LRRC34: variants seen among roughly 807,000 people sequenced by gnomAD.
LRRC34 encodes the protein leucine rich repeat containing 34.
LRRC34 carries 44 observed loss-of-function variants against 48.5 expected under a neutral mutation model. That is an observed-to-expected ratio of 0.91 (90% CI 0.71 to 1.17). LRRC34 has a LOEUF of 1.17. Ranked by LOEUF, LRRC34 falls within the 50% of genes most tolerant of loss-of-function variation. The probability of loss-of-function intolerance (pLI) is 0.00; values close to 1 mark genes in which losing one functional copy is unlikely to be tolerated. For missense variants in LRRC34, 502 were observed against 563.0 expected, an observed-to-expected ratio of 0.89 and a Z score of 1.10; for synonymous variants, 192 against 197.6, an observed-to-expected ratio of 0.97 and a Z score of 0.24.
Position 169,795,509 on chromosome 3 carries a change from G to A in LRRC34, c.1167C>T (p.Asn389=). 1 of 1,611,900 alleles carries A rather than the reference G, an allele frequency of 6.2e-7. No individual in the cohort carries two copies. The highest frequency in any genetic ancestry group is 8.5e-7 in the Non-Finnish European group (1 of 1,178,618). Residue 389 remains asparagine, a synonymous_variant, in exon 10 of 11, where the codon AAC becomes AAT. Transcript: ENST00000446859. ...CTATACACGTAGCCTCATCAAATTT[G>A]TTTCCCCAAATGTAGATATGAGAGA... ...LTFSHIYIWG[N]KFDEATCIAY... is the part of the protein sequence containing the mutation.
At chr3:169,804,225 A>C (rs1779295278) in intron 5 of LRRC34, 44 bp from the exon 6 acceptor site, 1 of 1,470,496 alleles carries the variant, frequency 6.8e-7, no homozygotes, top group Non-Finnish European at 9.2e-7. Context: ...TAATCCACAG[A>C]ATTCTATATA....
chr3:169,796,133 T>G, intron 9 of LRRC34, 81 bp downstream of exon 9: 9 of 1,456,260 alleles, frequency 6.2e-6, no homozygotes, highest in Non-Finnish European at 8.1e-6. Context: ...TTCATTATAA[T>G]CTTAAGAGTT....
intron 6 of LRRC34, among the ~76,000 whole-genome samples, chr3:169,802,525 C>T (rs1453968712): frequency 6.6e-6 from 1 of 152,086 alleles, no homozygotes; most frequent in Non-Finnish European, 1.5e-5. Flanking sequence ...TTGGTGTTTC[C>T]CCAACTAAAA....
intron 6 of LRRC34, among the ~76,000 whole-genome samples, chr3:169,800,967 G>A (rs1031557538): frequency 6.6e-6 from 1 of 152,094 alleles, no homozygotes; most frequent in African/African-American, 2.4e-5. Context: ...ACATGGCATG[G>A]GGAGTTTCTT....
Position 169,793,674 on chromosome 3 carries a change from A to AAT in LRRC34, c.1355_1356insAT (p.Asn452LysfsTer10). 6.2e-7 allele frequency: 1 copy of AAT among 1,613,800 alleles called. No homozygotes were observed. The highest frequency in any genetic ancestry group is 8.5e-7 in the Non-Finnish European group (1 of 1,179,850). On this transcript the variant is annotated frameshift_variant, in exon 11 of 11. Coordinates refer to ENST00000446859, the MANE Select transcript of LRRC34 (RefSeq NM_001172779.2). LOFTEE classifies it high-confidence loss of function. ...CTACTGGAACAAGAGCAAAACCTGC[A>AAT]TTAGATGAGTGGTCATAAGATTCTC... is the stretch of plus-strand genomic sequence containing the variant.
chr3:169,796,335 C>T lies in LRRC34; in HGVS notation c.943G>A (p.Ala315Thr). The T allele has an allele frequency of 1.2e-6, 2 of 1,607,802 alleles. No homozygotes were observed. Among genetic ancestry groups the T allele is most frequent in the Non-Finnish European group, 8.5e-7 (1 of 1,178,390 alleles). Residue 315 changes from alanine to threonine, a missense_variant, in exon 9 of 11, where the codon GCT (alanine) becomes ACT (threonine). Ala to Thr is a moderately conservative substitution (Grantham distance 58). Coordinates refer to ENST00000446859, the MANE Select transcript of LRRC34 (RefSeq NM_001172779.2). ...KITHDGMVYL[A>T]DVLKSNTTLE... ...GTAGTGTTGCTTTTCAGTACATCAG[C>T]CAAATACACCATTCCATCATGAGTT...
chr3:169,807,606 T>C lies in LRRC34; in HGVS notation c.361A>G (p.Asn121Asp), dbSNP rs768315371. ...DFWILSKILK[N>D]CLYINGLDVG... Reference sequence around the variant, plus strand: ...AACATACCATTAATATACAGACAATTCTTTAAAATTTTGGAAAGAATCCAA... The same window carrying C: ...AACATACCATTAATATACAGACAATCCTTTAAAATTTTGGAAAGAATCCAA... The change falls in exon 3 of 11, where the codon AAT (asparagine) becomes GAT (aspartate). Residue 121 changes from asparagine (N) to aspartate (D), a missense_variant. Coordinates refer to ENST00000446859, the MANE Select transcript of LRRC34 (RefSeq NM_001172779.2). The C allele has an allele frequency of 1.2e-6, 2 of 1,611,494 alleles. No homozygotes were observed. The highest frequency in any genetic ancestry group is 1.7e-6 in the Non-Finnish European group (2 of 1,179,156).
chr3:169,804,035 C>G lies in LRRC34; in HGVS notation c.657+18G>C, dbSNP rs757242939. On this transcript the variant is annotated intron_variant, in intron 6 of 10. Coordinates refer to ENST00000446859, the MANE Select transcript of LRRC34 (RefSeq NM_001172779.2). ...TGACCCACTATCTGGATGATTTTCT[C>G]ATAACCAGTTTACTCACCAGATCAC... 1.0e-5 allele frequency: 16 copies of G among 1,547,978 alleles called. No individual in the cohort carries two copies. Among genetic ancestry groups the G allele is most frequent in the Admixed American group, 2.0e-5 (1 of 50,764 alleles).
At chr3:169,796,657 TAAC>T (rs1778999441) in intron 8 of LRRC34, 85 bp downstream of exon 8, 2 of 1,336,742 alleles carry the variant, frequency 1.5e-6, no homozygotes, top group Non-Finnish European at 2.0e-6. Context: ...AAATAATGTC[TAAC>T]AACGTATCCC....
chr3:169,800,755 C>T lies in LRRC34; in HGVS notation c.658-1G>A, dbSNP rs1209902282. 1 of 1,525,058 alleles carries T rather than the reference C, an allele frequency of 6.6e-7. No homozygotes were observed. Among genetic ancestry groups the T allele is most frequent in the Non-Finnish European group, 8.8e-7 (1 of 1,140,068 alleles). 94.5% of individuals were successfully genotyped at this position (1,525,058 alleles called of 1,614,324 possible). A position where few individuals can be genotyped will look rare whatever the true frequency, so the allele number is the denominator to read the frequency against. On this transcript the variant is annotated splice_acceptor_variant, in intron 6 of 10. Transcript: ENST00000446859. LOFTEE classifies it high-confidence loss of function. ...CAAATGCTATCACACTTTGCATTCC[C>T]TAAAAACAGGTAAATTCATTAAGGA...
At chr3:169,811,041 C>G (rs1026085450) in intron 1 of LRRC34, among the ~76,000 whole-genome samples, 15 of 152,198 alleles carry the variant, frequency 9.9e-5, no homozygotes, top group African/African-American at 3.6e-4. Context: ...CACTGCACTC[C>G]AGCCTGGGCG....
At chr3:169,801,565 G>A (rs546055558) in intron 6 of LRRC34, among the ~76,000 whole-genome samples, 1 of 152,158 alleles carries the variant, frequency 6.6e-6, no homozygotes, top group African/African-American at 2.4e-5. Context: ...CTTTTTCCAT[G>A]ATTTTCATTT....
At chr3:169,809,870 G>C (rs1035703926) in intron 1 of LRRC34, among the ~76,000 whole-genome samples, 3 of 151,906 alleles carry the variant, frequency 2.0e-5, no homozygotes, top group Admixed American at 2.0e-4. Flanking sequence ...TTACATTTCA[G>C]ATGAAAGCAA....
Position 169,801,649 on chromosome 3 carries a change from A to G in LRRC34, c.658-895T>C, listed in dbSNP as rs370479523. On this transcript the variant is annotated intron_variant, in intron 6 of 10. Transcript: ENST00000446859. Reference sequence around the variant, plus strand: ...CAACTTTGCCATATCTGGCCTCCATAAGCTTCTCTACTTTTACTTCAAGGC... The same window carrying G: ...CAACTTTGCCATATCTGGCCTCCATGAGCTTCTCTACTTTTACTTCAAGGC... Among the ~76,000 whole-genome samples, 14 of 152,104 alleles carry G rather than the reference A, an allele frequency of 9.2e-5. No individual in the cohort carries two copies. In the East Asian group the frequency reaches 1.5e-3, roughly 17 times the overall value.
At position 169,806,936 on chromosome 3, in the gene LRRC34, A is replaced by T; in HGVS notation, c.445-5T>A. ...GTAAATGAGATTAAGTTGTTTCTAT[A>T]AGAGAAAAGAAGCTATTACACATTA... On this transcript the variant is annotated splice_region_variant and splice_polypyrimidine_tract_variant and intron_variant, in intron 4 of 10. Coordinates refer to ENST00000446859, the MANE Select transcript of LRRC34 (RefSeq NM_001172779.2). 2.6e-6 allele frequency: 4 copies of T among 1,532,774 alleles called. No individual in the cohort carries two copies. Among genetic ancestry groups the T allele is most frequent in the Non-Finnish European group, 3.6e-6 (4 of 1,109,554 alleles). 94.9% of individuals were successfully genotyped at this position (1,532,774 alleles called of 1,614,324 possible).
chr3:169,802,536 T>C (rs1779230548), intron 6 of LRRC34, among the ~76,000 whole-genome samples: 1 of 152,188 alleles, frequency 6.6e-6, no homozygotes, highest in Non-Finnish European at 1.5e-5. Context: ...CCAACTAAAA[T>C]ATAAGTTTCA....
intron 6 of LRRC34, 175 bp downstream of exon 6, chr3:169,803,878 T>A (rs950193838): frequency 2.3e-6 from 1 of 434,476 alleles, no homozygotes; most frequent in East Asian, 3.9e-5. Flanking sequence ...TATTTTTCTA[T>A]GTTATTTACT....
intron 3 of LRRC34, 35 bp from the exon 4 acceptor site, chr3:169,807,525 A>G: frequency 6.2e-7 from 1 of 1,612,586 alleles, no homozygotes; most frequent in Non-Finnish European, 8.5e-7. Context: ...GATATTCATT[A>G]TAAAGAATAC....
intron 5 of LRRC34, among the ~76,000 whole-genome samples, chr3:169,805,884 C>CAA (rs372353857): frequency 6.8e-4 from 37 of 54,710 alleles, no homozygotes; most frequent in South Asian, 2.4e-3. Context: ...AACTCCATCT[C>CAA]AAAAAAAAAA....
Sources: allele counts gnomAD v4.1 joint callset (sites outside exome capture counted in the v4.1 genomes callset), GRCh38; gene constraint gnomAD v4.1.1; transcripts MANE v1.5; gene names NCBI Gene and HGNC (gene_info 2026-07-23, HGNC 2026-07-21).